The following CRMP1 variants were observed in gnomAD, a reference collection of about 807,000 sequenced individuals.
The protein encoded by CRMP1 is dihydropyrimidinase-related protein 1.
In CRMP1, 19 loss-of-function variants were observed where a neutral mutation model predicts 68.3. The ratio of observed to expected loss-of-function variants is 0.28; its 90% CI spans 0.19 to 0.41. The LOEUF (loss-of-function observed/expected upper bound fraction) is 0.41. CRMP1 is among the 10% of genes least tolerant of loss of function. The pLI is 1.00. For synonymous variants in CRMP1, 439 were observed against 399.6 expected, an observed-to-expected ratio of 1.10 and a Z score of -1.18; for missense variants, 791 against 967.4, an observed-to-expected ratio of 0.82 and a Z score of 2.42.
rs913342778 is a variant in CRMP1 at position 5,870,434 on chromosome 4, C to T, written c.382-3678G>A. ...CTCCCCAGGGGACGCATGACACAGG[C>T]GTTGGTGGGGACGGCACTGCCTGGA... On this transcript the variant is annotated intron_variant, in intron 1 of 13. Transcript: ENST00000324989. The surrounding 1 kb of genome is among the most constrained non-coding windows in gnomAD (Gnocchi z 6.0). Among the ~76,000 whole-genome samples, 1 of 152,224 alleles carries T rather than the reference C, an allele frequency of 6.6e-6. No homozygotes were observed. The highest frequency in any genetic ancestry group is 2.1e-4 in the South Asian group (1 of 4,834).
intron 6 of CRMP1, among the ~76,000 whole-genome samples, chr4:5,844,304 T>C (rs1189981836): frequency 2.0e-5 from 3 of 149,182 alleles, no homozygotes; most frequent in African/African-American, 7.5e-5. Flanking sequence ...CTCTGTGAAA[T>C]TGTTTACATG....
chr4:5,839,585 A>G lies in CRMP1; in HGVS notation c.1247T>C (p.Val416Ala). The change falls in exon 9 of 14, where the codon GTG becomes GCG. Residue 416 changes from valine to alanine, a missense_variant. This residue lies in a region of CRMP1 where 594 missense variants were observed against 763.6 expected (regional missense o/e 0.78). Coordinates refer to ENST00000324989, the MANE Select transcript of CRMP1 (RefSeq NM_001014809.3). ...GTCCGGGCTCAGGGGAGGGGAAGTC[A>G]CGAACGCCGCAGCCTTGGCCCAGTT... is the stretch of plus-strand genomic sequence containing the variant. ...SKNWAKAAAF[V>A]TSPPLSPDPT... 1.2e-6 allele frequency: 2 copies of G among 1,612,806 alleles called. No homozygotes were observed. Among genetic ancestry groups the G allele is most frequent in the Non-Finnish European group, 1.7e-6 (2 of 1,179,454 alleles).
rs1223518632 is a variant in CRMP1, at chr4:5,825,726, G to C, written c.1804-67C>G. Reference sequence around the variant, plus strand: ...ATGTGTGCCCTTCTGGGCAGATAAAGCAGAGCCCTGCGGGCGAGAGAGAAA... The same window carrying C: ...ATGTGTGCCCTTCTGGGCAGATAAACCAGAGCCCTGCGGGCGAGAGAGAAA... On this transcript the variant is annotated intron_variant, in intron 12 of 13. Coordinates refer to ENST00000324989, the MANE Select transcript of CRMP1 (RefSeq NM_001014809.3). This position sits in a 1 kb window ranked among gnomAD's most constrained non-coding sequence, Gnocchi z 4.4. The C allele has an allele frequency of 1.3e-6, 2 of 1,542,276 alleles. No homozygotes were observed. The highest frequency in any genetic ancestry group is 2.8e-5 in the African/African-American group (2 of 71,896).
rs1490946697 is a variant in CRMP1, at chr4:5,835,974, C to T, written c.1564G>A (p.Asp522Asn). The change falls in exon 11 of 14, where the codon GAC becomes AAC. Residue 522 changes from aspartate to asparagine, a missense_variant. Coordinates refer to ENST00000324989, the MANE Select transcript of CRMP1 (RefSeq NM_001014809.3). Reference sequence around the variant, plus strand: ...TTGTCGGGGTCCCAGATGACCACGTCGGCATCCGAGCCCACGGCAATCCGC... The same window carrying T: ...TTGTCGGGGTCCCAGATGACCACGTTGGCATCCGAGCCCACGGCAATCCGC... ...KGRIAVGSDA[D>N]VVIWDPDKLK... is the part of the protein sequence containing the mutation. 2.5e-6 allele frequency: 4 copies of T among 1,598,286 alleles called. No individual in the cohort carries two copies. The highest frequency in any genetic ancestry group is 3.4e-6 in the Non-Finnish European group (4 of 1,172,166).
chr4:5,830,782 G>GCTACT (rs1380504800), intron 11 of CRMP1, among the ~76,000 whole-genome samples: 1 of 152,060 alleles, frequency 6.6e-6, no homozygotes, highest in Non-Finnish European at 1.5e-5. Context: ...AACTATTTCA[G>GCTACT]CTACTCTCAC....
At chr4:5,836,110 A>T (rs748679328) in intron 10 of CRMP1, 25 bp from the exon 11 acceptor site, 1 of 1,441,138 alleles carries the variant, frequency 6.9e-7, no homozygotes, top group South Asian at 1.7e-5. Flanking sequence ...CACAGATGAG[A>T]AGAGCATCTC....
chr4:5,874,167 G>A (rs1002579684), intron 1 of CRMP1, among the ~76,000 whole-genome samples: 5 of 152,066 alleles, frequency 3.3e-5, no homozygotes, highest in Admixed American at 1.3e-4. Flanking sequence ...CCAAAACAGG[G>A]TCACAAAATG....
At position 5,859,001 on chromosome 4, in the gene CRMP1, G is replaced by C. The variant is rs961076912; in HGVS notation, c.655+2025C>G. ...TCCCTGTACGAATGTCACTTCTTCA[G>C]AGAACACTTCCCTGAGACCCTGCCC... On this transcript the variant is annotated intron_variant, in intron 3 of 13. Coordinates refer to ENST00000324989, the MANE Select transcript of CRMP1 (RefSeq NM_001014809.3). This position sits in a 1 kb window ranked among gnomAD's most constrained non-coding sequence, Gnocchi z 5.2. Among the ~76,000 whole-genome samples the C allele has an allele frequency of 2.0e-5, 3 of 152,164 alleles. No homozygotes were observed. Among genetic ancestry groups the C allele is most frequent in the African/African-American group, 7.2e-5 (3 of 41,428 alleles).
Position 5,854,893 on chromosome 4 carries a change from A to C in CRMP1, c.820+1250T>G, listed in dbSNP as rs995568725. ...TCTGACCTTCTAATTCCACTTCTGG[A>C]AATCTAAAGAAAAATTAGAAATGCA... On this transcript the variant is annotated intron_variant, in intron 4 of 13. Transcript: ENST00000324989. This position sits in a 1 kb window ranked among gnomAD's most constrained non-coding sequence, Gnocchi z 4.0. 6.6e-6 allele frequency among the ~76,000 whole-genome samples: 1 copy of C among 152,232 alleles called. No homozygotes were observed. The highest frequency in any genetic ancestry group is 2.4e-5 in the African/African-American group (1 of 41,478).
rs937117001 is a variant in CRMP1, at chr4:5,834,154, G to A, written c.1623+1761C>T. ...ACACAGACATTCACGTTCCTTTCTA[G>A]ATAAGGATCACCTTGTGAAGCAAGG... On this transcript the variant is annotated intron_variant, in intron 11 of 13. Coordinates refer to ENST00000324989, the MANE Select transcript of CRMP1 (RefSeq NM_001014809.3). The surrounding 1 kb of genome is among the most constrained non-coding windows in gnomAD (Gnocchi z 4.3). 2.0e-5 allele frequency among the ~76,000 whole-genome samples: 3 copies of A among 152,224 alleles called. No homozygotes were observed. Among genetic ancestry groups the A allele is most frequent in the Non-Finnish European group, 4.4e-5 (3 of 68,032 alleles).
rs1366621202 is a variant in CRMP1, at chr4:5,865,996, T to C, written c.470+672A>G. On this transcript the variant is annotated intron_variant, in intron 2 of 13. Transcript: ENST00000324989. This position sits in a 1 kb window ranked among gnomAD's most constrained non-coding sequence, Gnocchi z 4.1. ...AGAACCAACCCTGACGGCAGCTTGA[T>C]CCGGGACTTCCAGCCTCCAGAACTA... 6.6e-6 allele frequency among the ~76,000 whole-genome samples: 1 copy of C among 152,126 alleles called. No homozygotes were observed. Among genetic ancestry groups the C allele is most frequent in the Non-Finnish European group, 1.5e-5 (1 of 68,024 alleles).
rs1713288224 is a variant in CRMP1, at chr4:5,858,390, C to T, written c.656-2083G>A. Among the ~76,000 whole-genome samples, 1 of 151,984 alleles carries T rather than the reference C, an allele frequency of 6.6e-6. No individual in the cohort carries two copies. Among genetic ancestry groups the T allele is most frequent in the African/African-American group, 2.4e-5 (1 of 41,348 alleles). The stretch of plus-strand genomic sequence containing the variant: ...TCCCCCAAATGAGAATGTCCAAAAC[C>T]TCATGCAATACTCTCCCCACCCCGA... On this transcript the variant is annotated intron_variant, in intron 3 of 13. Coordinates refer to ENST00000324989, the MANE Select transcript of CRMP1 (RefSeq NM_001014809.3). The surrounding 1 kb of genome is among the most constrained non-coding windows in gnomAD (Gnocchi z 5.5).
rs561776804 is a variant in CRMP1 at position 5,869,163 on chromosome 4, G to C, written c.382-2407C>G. Among the ~76,000 whole-genome samples, 66 of 152,170 alleles carry C rather than the reference G, an allele frequency of 4.3e-4. 2 individuals carry two copies. In the South Asian group the frequency reaches 0.014, roughly 31 times the overall value. ...AGATGGGGTCTCAGTGTGTTGCCCA[G>C]ACTGGTCTTGAGCCCCTGGCCTCAA... On this transcript the variant is annotated intron_variant, in intron 1 of 13. Transcript: ENST00000324989.
At chr4:5,873,799 C>G (rs1052671264) in intron 1 of CRMP1, among the ~76,000 whole-genome samples, 4 of 152,118 alleles carry the variant, frequency 2.6e-5, no homozygotes, top group African/African-American at 9.7e-5. Context: ...TGTAAGTGGT[C>G]TTCTTTGGCT....
chr4:5,864,208 G>A (rs947294787), intron 2 of CRMP1, among the ~76,000 whole-genome samples: 4 of 152,156 alleles, frequency 2.6e-5, no homozygotes, highest in Non-Finnish European at 5.9e-5. Context: ...CCTGGCCCAG[G>A]AAGGACGGGG....
intron 6 of CRMP1, among the ~76,000 whole-genome samples, chr4:5,847,216 G>C (rs1301788738): frequency 1.3e-5 from 2 of 152,300 alleles, no homozygotes; most frequent in South Asian, 4.1e-4. Flanking sequence ...GAGGGTCAGG[G>C]AGATATCTTC....
At position 5,888,156 on chromosome 4, in the gene CRMP1, CTG is replaced by C; in HGVS notation, c.381+4431_381+4432del. On this transcript the variant is annotated intron_variant, in intron 1 of 13. Coordinates refer to ENST00000324989, the MANE Select transcript of CRMP1 (RefSeq NM_001014809.3). This position sits in a 1 kb window ranked among gnomAD's most constrained non-coding sequence, Gnocchi z 6.4. Reference sequence around the variant, plus strand: ...GCGCCCCTGCCGGCGCCCCGTGGATCTGGACCCTGCCGGGCGCCCACTCCCAG... The same window carrying C: ...GCGCCCCTGCCGGCGCCCCGTGGATCGACCCTGCCGGGCGCCCACTCCCAG... 1 of 1,231,420 alleles carries C rather than the reference CTG, an allele frequency of 8.1e-7. No homozygotes were observed. The highest frequency in any genetic ancestry group is 1.0e-6 in the Non-Finnish European group (1 of 985,706). 76.3% of individuals were successfully genotyped at this position (1,231,420 alleles called of 1,614,324 possible). A position where few individuals can be genotyped will look rare whatever the true frequency, so the allele number is the denominator to read the frequency against.
At chr4:5,882,696 T>C (rs1715291851) in intron 1 of CRMP1, among the ~76,000 whole-genome samples, 1 of 152,240 alleles carries the variant, frequency 6.6e-6, no homozygotes, top group Non-Finnish European at 1.5e-5. Context: ...CAAAGCCAGA[T>C]AGTCTGAGTT....
Position 5,892,235 on chromosome 4 carries a change from G to A in CRMP1, c.381+354C>T, listed in dbSNP as rs961638409. 3.3e-5 allele frequency among the ~76,000 whole-genome samples: 5 copies of A among 152,188 alleles called. No homozygotes were observed. Among genetic ancestry groups the A allele is most frequent in the Admixed American group, 3.3e-4 (5 of 15,284 alleles). ...AGTTCTTTTCACAAAACAGAATGAGGGGCCTGGGTTAGATTCATCCCAGAG... is the reference window on the plus strand; with the variant it reads ...AGTTCTTTTCACAAAACAGAATGAGAGGCCTGGGTTAGATTCATCCCAGAG... On this transcript the variant is annotated intron_variant, in intron 1 of 13. Transcript: ENST00000324989. This position sits in a 1 kb window ranked among gnomAD's most constrained non-coding sequence, Gnocchi z 8.6.
Sources: gnomAD v4.1 joint callset for allele counts (sites outside exome capture counted in the v4.1 genomes callset) on GRCh38, gnomAD v4.1.1 for gene constraint, gnomAD v4.1.1 regional missense constraint, Gnocchi (gnomAD v3.1) non-coding constraint, MANE v1.5 for transcripts, NCBI Gene and HGNC (gene_info 2026-07-23, HGNC 2026-07-21) for gene names.